Variants in VTCN1 observed in about 807,000 individuals in gnomAD.
VTCN1 encodes the protein V-set domain containing T cell activation inhibitor 1, also known as V-set domain-containing T-cell activation inhibitor 1.
A neutral mutation model predicts 26.5 loss-of-function variants in VTCN1; 26 were observed. The ratio of observed to expected loss-of-function variants is 0.98; its 90% CI spans 0.72 to 1.36. VTCN1 has a LOEUF of 1.36. VTCN1 is among the 40% of genes most tolerant of loss of function. The pLI, the probability that VTCN1 is intolerant of heterozygous loss-of-function variation, is 0.00. For missense variants in VTCN1, 298 were observed against 337.7 expected (o/e 0.88, Z 0.92); for synonymous variants, 116 against 130.7 (o/e 0.89, Z 0.77).
intron 1 of VTCN1, among the ~76,000 whole-genome samples, chr1:117,208,444 G>A (rs1649204348): frequency 6.6e-6 from 1 of 152,112 alleles, no homozygotes; most frequent in Non-Finnish European, 1.5e-5. Context: ...AGGACTTAAG[G>A]GTGGCGCGTT....
At chr1:117,150,835 G>A (rs1311397513) in intron 4 of VTCN1, among the ~76,000 whole-genome samples, 1 of 152,110 alleles carries the variant, frequency 6.6e-6, no homozygotes, top group African/African-American at 2.4e-5. Flanking sequence ...CTGTGCATTT[G>A]ACTGCTTTAG....
At chr1:117,190,885 C>T (rs1648212832) in intron 1 of VTCN1, among the ~76,000 whole-genome samples, 1 of 152,174 alleles carries the variant, frequency 6.6e-6, no homozygotes. Context: ...AAACGTGACA[C>T]CACCAAAGAA....
intron 1 of VTCN1, among the ~76,000 whole-genome samples, chr1:117,174,703 A>T (rs1397824306): frequency 6.6e-6 from 1 of 152,104 alleles, no homozygotes; most frequent in Non-Finnish European, 1.5e-5. Flanking sequence ...GGAGGTGGAG[A>T]TTACAATGAG....
chr1:117,171,283 T>C (rs1360001340), intron 1 of VTCN1, among the ~76,000 whole-genome samples: 2 of 152,234 alleles, frequency 1.3e-5, no homozygotes, highest in Non-Finnish European at 2.9e-5. Context: ...TTCCAAGTCT[T>C]TGGTATTGTA....
At chr1:117,203,599 T>C (rs957838696) in intron 1 of VTCN1, 1 of 985,188 alleles carries the variant, frequency 1.0e-6, no homozygotes, top group Non-Finnish European at 1.2e-6. Context: ...CAGAGAGAAA[T>C]GTAGCCTGGG....
chr1:117,179,629 T>G (rs1054283794), intron 1 of VTCN1, among the ~76,000 whole-genome samples: 1 of 152,212 alleles, frequency 6.6e-6, no homozygotes, highest in Non-Finnish European at 1.5e-5. Flanking sequence ...AAGTTTCTAG[T>G]ACCAGATAAA....
rs367629987 is a variant in VTCN1 at position 117,157,010 on chromosome 1, T to C, written c.98-89A>G. ...TCATTGCTGAAAGCCAGACAGAGAC[T>C]TCTGTGATAAATTAAAAATACAGAA... On this transcript the variant is annotated intron_variant, in intron 2 of 5. Transcript: ENST00000369458. 5.6e-6 allele frequency: 9 copies of C among 1,604,800 alleles called. No individual in the cohort carries two copies. The African/African-American group carries it at 1.1e-4, about 19-fold the overall frequency.
chr1:117,149,425 T>C lies in VTCN1; in HGVS notation c.725-1643A>G, dbSNP rs574333922. Reference sequence around the variant, plus strand: ...CAAGGACTGTACATTATTTTGTTTATGCAACTTTTGATTCTTCCCCCTTTT... The same window carrying C: ...CAAGGACTGTACATTATTTTGTTTACGCAACTTTTGATTCTTCCCCCTTTT... On this transcript the variant is annotated intron_variant, in intron 4 of 5. Transcript: ENST00000369458. Among the ~76,000 whole-genome samples the C allele has an allele frequency of 3.3e-5, 5 of 152,288 alleles. No individual in the cohort carries two copies. In the South Asian group the frequency reaches 1.0e-3, roughly 32 times the overall value.
At chr1:117,187,258 C>A (rs1647989478) in intron 1 of VTCN1, among the ~76,000 whole-genome samples, 1 of 127,548 alleles carries the variant, frequency 7.8e-6, no homozygotes, top group Admixed American at 1.0e-4. Context: ...TTGCAGTGAG[C>A]TAGATCATGC....
rs1359776889 is a variant in VTCN1, at chr1:117,144,770, G to T, written c.*501C>A. On this transcript the variant is annotated 3_prime_UTR_variant, in exon 6 of 6. Coordinates refer to ENST00000369458, the MANE Select transcript of VTCN1 (RefSeq NM_024626.4). ...GCAGCCGCCCCTGAGTTGCGAAGTG[G>T]CAGTCAATTAGCAGCGTCTTAGGGT... The T allele has an allele frequency of 6.6e-6, 1 of 152,586 alleles. No individual in the cohort carries two copies. Among genetic ancestry groups the T allele is most frequent in the Non-Finnish European group, 1.5e-5 (1 of 68,050 alleles). 9.5% of individuals were successfully genotyped at this position (152,586 alleles called of 1,614,324 possible). A position where few individuals can be genotyped will look rare whatever the true frequency, so the allele number is the denominator to read the frequency against.
intron 1 of VTCN1, among the ~76,000 whole-genome samples, chr1:117,195,659 T>C (rs945639028): frequency 6.6e-6 from 1 of 152,180 alleles, no homozygotes. Context: ...AAGTTATTAC[T>C]TTAAAGCATA....
At chr1:117,210,758 G>T in intron 1 of VTCN1, 66 bp downstream of exon 1, 1 of 1,557,984 alleles carries the variant, frequency 6.4e-7, no homozygotes, top group Non-Finnish European at 8.9e-7. Flanking sequence ...GCAGTGCTCA[G>T]CATCCCCAAA....
At chr1:117,184,957 A>C (rs1639652121) in intron 1 of VTCN1, among the ~76,000 whole-genome samples, 1 of 152,178 alleles carries the variant, frequency 6.6e-6, no homozygotes, top group Non-Finnish European at 1.5e-5. Context: ...TTAGTCTAGA[A>C]ACTAATTAGC....
chr1:117,162,112 T>C (rs1366504570), intron 2 of VTCN1, among the ~76,000 whole-genome samples: 1 of 152,174 alleles, frequency 6.6e-6, no homozygotes, highest in African/African-American at 2.4e-5. Flanking sequence ...GTTGCATTAA[T>C]GATGTGGCAG....
At chr1:117,153,580 C>T (rs1417969972) in intron 3 of VTCN1, among the ~76,000 whole-genome samples, 1 of 151,046 alleles carries the variant, frequency 6.6e-6, no homozygotes, top group Non-Finnish European at 1.5e-5. Flanking sequence ...TGCTATACAT[C>T]ACAACCCTTT....
chr1:117,206,834 C>A (rs1388548736), intron 1 of VTCN1, among the ~76,000 whole-genome samples: 1 of 152,138 alleles, frequency 6.6e-6, no homozygotes, highest in Non-Finnish European at 1.5e-5. Flanking sequence ...AAATCATCTA[C>A]CCTCAATAGG....
chr1:117,146,425 T>C lies in VTCN1; in HGVS notation c.*45+1188A>G, dbSNP rs537545343. ...AGATCAACAGATCTTTACCTGCCTC[T>C]GAGGACTTAGCAATGTAGGCAAGGA... On this transcript the variant is annotated intron_variant, in intron 5 of 5. Transcript: ENST00000369458. The surrounding 1 kb of genome is among the most constrained non-coding windows in gnomAD (Gnocchi z 4.2). 5.3e-5 allele frequency among the ~76,000 whole-genome samples: 8 copies of C among 152,320 alleles called. No individual in the cohort carries two copies. The South Asian group carries it at 1.5e-3, about 28-fold the overall frequency.
intron 1 of VTCN1, among the ~76,000 whole-genome samples, chr1:117,198,430 G>A (rs1648621195): frequency 6.6e-6 from 1 of 152,200 alleles, no homozygotes; most frequent in African/African-American, 2.4e-5. Flanking sequence ...GAAGCACTGG[G>A]GATTTAGTCC....
At chr1:117,165,436 G>C (rs1652560264) in intron 2 of VTCN1, among the ~76,000 whole-genome samples, 1 of 152,178 alleles carries the variant, frequency 6.6e-6, no homozygotes, top group Non-Finnish European at 1.5e-5. Context: ...GGAGGTGCCT[G>C]GTGGGAGGTG....
Sources: allele counts gnomAD v4.1 joint callset (sites outside exome capture counted in the v4.1 genomes callset), GRCh38; gene constraint gnomAD v4.1.1; non-coding constraint Gnocchi (gnomAD v3.1); transcripts MANE v1.5; gene names NCBI Gene and HGNC (gene_info 2026-07-23, HGNC 2026-07-21).